Variants in ZNF536 observed in about 807,000 individuals in gnomAD.
ZNF536 encodes the protein zinc finger protein 536.
Under a neutral mutation model 84.5 loss-of-function variants are expected in ZNF536, and 13 were observed. The observed-to-expected ratio is 0.15, with a 90% confidence interval of 0.10 to 0.24. ZNF536 has a LOEUF of 0.24. ZNF536 is among the 10% of genes least tolerant of loss of function. The probability of loss-of-function intolerance (pLI) is 1.00; values close to 1 mark genes in which losing one functional copy is unlikely to be tolerated. For synonymous variants in ZNF536, 811 were observed against 742.5 expected (o/e 1.09, Z -1.50); for missense variants, 1,536 against 1,747.5 (o/e 0.88, Z 2.16).
At chr19:30,566,606 G>GT (rs1375206358) in intron 1 of ZNF536, among the ~76,000 whole-genome samples, 2 of 152,276 alleles carry the variant, frequency 1.3e-5, no homozygotes, top group African/African-American at 4.8e-5. Context: ...GAGCTGGACA[G>GT]TGGAGGTCCC....
At chr19:30,560,455 G>A (rs117425906), downstream of ZNF536, among the ~76,000 whole-genome samples, 674 of 152,238 alleles carry the variant, frequency 4.4e-3, 5 homozygotes, top group Non-Finnish European at 6.4e-3. Context: ...CCACATGTGG[G>A]ATTATAACAA....
intron 1 of ZNF536, among the ~76,000 whole-genome samples, chr19:30,626,247 G>A (rs928581899): frequency 2.0e-5 from 3 of 152,190 alleles, no homozygotes; most frequent in Non-Finnish European, 2.9e-5. Flanking sequence ...CGTCTCTGCC[G>A]ATGGCCAGGG....
chr19:30,471,289 G>T (rs2053625345), intron 2 of ZNF536, among the ~76,000 whole-genome samples: 1 of 152,182 alleles, frequency 6.6e-6, no homozygotes, highest in African/African-American at 2.4e-5. Context: ...GTGTCTGTCA[G>T]GTTTCTACGC....
intron 2 of ZNF536, among the ~76,000 whole-genome samples, chr19:30,508,872 G>C (rs527962032): frequency 4.5e-4 from 57 of 127,934 alleles, no homozygotes; most frequent in Admixed American, 1.7e-3. Context: ...CTGTCACCCA[G>C]GCTGGAGTAC....
intron 1 of ZNF536, among the ~76,000 whole-genome samples, chr19:30,275,393 GAATGGTGCC>G (rs1196588587): frequency 3.3e-5 from 5 of 152,246 alleles, no homozygotes; most frequent in Non-Finnish European, 7.3e-5. Context: ...CCCAGGTGCA[GAATGGTGCC>G]AAGCTCTGTG....
rs564523904 is a variant in ZNF536, at chr19:30,660,103, C to A, written c.170-50654C>A. ...TTTGTTCACAAATGATAGTGACAGG[C>A]TGGTCACTTTGCCTATTCGTGGAGA... is the stretch of plus-strand genomic sequence containing the variant. On this transcript the variant is annotated intron_variant, in intron 1 of 1. Coordinates refer to the ZNF536 transcript ENST00000592773. Among the ~76,000 whole-genome samples the A allele has an allele frequency of 1.2e-4, 19 of 152,284 alleles. No individual in the cohort carries two copies. In the South Asian group the frequency reaches 3.3e-3, roughly 27 times the overall value.
intron 2 of ZNF536, among the ~76,000 whole-genome samples, chr19:30,509,083 C>T (rs1048274527): frequency 6.6e-6 from 1 of 150,868 alleles, no homozygotes; most frequent in Non-Finnish European, 1.5e-5. Flanking sequence ...GATCATCCTG[C>T]CTTGACTTCC....
chr19:30,515,750 G>A (rs1210681361), intron 2 of ZNF536, among the ~76,000 whole-genome samples: 1 of 152,086 alleles, frequency 6.6e-6, no homozygotes, highest in Non-Finnish European at 1.5e-5. Context: ...CAGGCGTGGT[G>A]GCTCACCCCT....
At chr19:30,420,987 G>T (rs1371112244) in intron 1 of ZNF536, among the ~76,000 whole-genome samples, 1 of 152,158 alleles carries the variant, frequency 6.6e-6, no homozygotes, top group South Asian at 2.1e-4. Flanking sequence ...TACACGCTGA[G>T]GTTGAAGTTG....
chr19:30,439,427 C>A (rs988509549), intron 1 of ZNF536, among the ~76,000 whole-genome samples: 1 of 152,162 alleles, frequency 6.6e-6, no homozygotes, highest in Non-Finnish European at 1.5e-5. Context: ...GGGGCCGACC[C>A]AGGTTTTGTG....
chr19:30,708,044 A>G (rs561339683), intron 1 of ZNF536, among the ~76,000 whole-genome samples: 55 of 152,140 alleles, frequency 3.6e-4, no homozygotes, highest in African/African-American at 1.2e-3. Context: ...AAAATGTATA[A>G]TTCCTTAGAA....
chr19:30,252,736 T>C (rs995265353), intron 1 of ZNF536, among the ~76,000 whole-genome samples: 1 of 152,164 alleles, frequency 6.6e-6, no homozygotes, highest in African/African-American at 2.4e-5. Context: ...CAAGATTAGA[T>C]CCACTGTCTA....
At chr19:30,345,720 C>A (rs2047719827) in intron 2 of ZNF536, among the ~76,000 whole-genome samples, 1 of 152,180 alleles carries the variant, frequency 6.6e-6, no homozygotes, top group African/African-American at 2.4e-5. Context: ...AGTTTTCCTA[C>A]ATGCATCTAA....
intron 1 of ZNF536, among the ~76,000 whole-genome samples, chr19:30,239,239 G>C (rs1208506624): frequency 6.6e-6 from 1 of 152,190 alleles, no homozygotes; most frequent in South Asian, 2.1e-4. Flanking sequence ...CATTTATTGA[G>C]TGCCTATTAG....
At chr19:30,447,433 C>T (rs770098052) in intron 2 of ZNF536, among the ~76,000 whole-genome samples, 16 of 152,156 alleles carry the variant, frequency 1.1e-4, no homozygotes, top group Non-Finnish European at 2.2e-4. Context: ...CCAGAGATTC[C>T]GATAGCACTT....
intron 1 of ZNF536, among the ~76,000 whole-genome samples, chr19:30,627,952 C>G (rs1854944322): frequency 6.6e-6 from 1 of 152,206 alleles, no homozygotes; most frequent in Non-Finnish European, 1.5e-5. Context: ...TGCTTCTTCT[C>G]TGAGTGTCCA....
At chr19:30,237,373 G>A (rs542177058) in intron 1 of ZNF536, among the ~76,000 whole-genome samples, 20 of 152,272 alleles carry the variant, frequency 1.3e-4, no homozygotes, top group African/African-American at 4.8e-4. Context: ...CATTGTGAAA[G>A]GGCCAGGCAG....
chr19:30,621,240 G>T (rs1449170302), intron 1 of ZNF536, among the ~76,000 whole-genome samples: 1 of 151,944 alleles, frequency 6.6e-6, no homozygotes, highest in Non-Finnish European at 1.5e-5. Context: ...AAGCAGTTAG[G>T]TATTATTAGA....
At chr19:30,606,281 TAAAATAAAATAAATA>T (rs2047885141) in intron 1 of ZNF536, among the ~76,000 whole-genome samples, 1 of 50,516 alleles carries the variant, frequency 2.0e-5, no homozygotes, top group Non-Finnish European at 4.0e-5. Flanking sequence ...TAAAATAAAA[TAAAATAAAATAAATA>T]AAATAAAATA....
Sources: gnomAD v4.1 joint callset for allele counts (sites outside exome capture counted in the v4.1 genomes callset) on GRCh38, gnomAD v4.1.1 for gene constraint, MANE v1.5 for transcripts, NCBI Gene and HGNC (gene_info 2026-07-23, HGNC 2026-07-21) for gene names.